Variants in MPP3 observed in about 807,000 individuals in gnomAD.
The protein encoded by MPP3 is MAGUK p55 scaffold protein 3, also known as MAGUK p55 subfamily member 3.
A neutral mutation model predicts 80.7 loss-of-function variants in MPP3; 48 were observed. That is an observed-to-expected ratio of 0.59 (90% confidence interval 0.47 to 0.76). The LOEUF (loss-of-function observed/expected upper bound fraction) is 0.76, where lower values mean the gene tolerates loss of function less well. Among genes scored for constraint, MPP3 ranks in the 30% least tolerant of loss-of-function variants. MPP3 has a pLI of 0.00. For missense variants in MPP3, 620 were observed against 763.0 expected (o/e 0.81, Z 2.21); for synonymous variants, 311 against 297.6 (o/e 1.04, Z -0.46).
chr17:43,829,871 G>C, intron 6 of MPP3, 80 bp from the exon 7 acceptor site: 1 of 1,598,622 alleles, frequency 6.3e-7, no homozygotes. Flanking sequence ...GTGGTATGGA[G>C]GGTGGCAGAC....
intron 16 of MPP3, 68 bp downstream of exon 16, chr17:43,813,943 G>C (rs1019518927): frequency 4.7e-6 from 6 of 1,275,662 alleles, no homozygotes; most frequent in African/African-American, 1.5e-5. Context: ...TGGATCTGGG[G>C]AGTTAAGTCT....
At position 43,831,679 on chromosome 17, in the gene MPP3, T is replaced by C. The variant is rs769446909; in HGVS notation, c.26-2A>G. 1.2e-6 allele frequency: 2 copies of C among 1,602,200 alleles called. No individual in the cohort carries two copies. Among genetic ancestry groups the C allele is most frequent in the East Asian group, 2.2e-5 (1 of 44,708 alleles). On this transcript the variant is annotated splice_acceptor_variant, in intron 3 of 19. Coordinates refer to ENST00000398389, the MANE Select transcript of MPP3 (RefSeq NM_001932.6). LOFTEE classifies it high-confidence loss of function. ...GCAGGGCCAGGGTTTCATGCAAACCTGGGGAGAGGTGAGAAAAACAAAGGA... is the reference window on the plus strand; with the variant it reads ...GCAGGGCCAGGGTTTCATGCAAACCCGGGGAGAGGTGAGAAAAACAAAGGA...
At chr17:43,814,901 GA>G (rs1003882912) in intron 14 of MPP3, among the ~76,000 whole-genome samples, 1 of 151,626 alleles carries the variant, frequency 6.6e-6, no homozygotes, top group African/African-American at 2.4e-5. Context: ...TATGACTCAG[GA>G]AAAAAAAATT....
chr17:43,822,952 G>A (rs1407232290), intron 10 of MPP3, among the ~76,000 whole-genome samples: 2 of 152,118 alleles, frequency 1.3e-5, no homozygotes. Context: ...AGGGCCCCTG[G>A]GTGGGATGAT....
chr17:43,810,204 T>C (rs532503637), intron 18 of MPP3, among the ~76,000 whole-genome samples: 1 of 152,008 alleles, frequency 6.6e-6, no homozygotes, highest in South Asian at 2.1e-4. Context: ...GGAAAAAAAA[T>C]CCCCAGATTG....
intron 10 of MPP3, among the ~76,000 whole-genome samples, chr17:43,823,108 C>T (rs923180023): frequency 6.6e-6 from 1 of 152,148 alleles, no homozygotes; most frequent in East Asian, 1.9e-4. Flanking sequence ...ACTGGTATTT[C>T]CTGGGGCCAC....
intron 16 of MPP3, among the ~76,000 whole-genome samples, chr17:43,812,345 T>G (rs1359416204): frequency 6.6e-6 from 1 of 152,154 alleles, no homozygotes; most frequent in African/African-American, 2.4e-5. Flanking sequence ...CAACCTCCGG[T>G]AGAGGTGCTA....
intron 16 of MPP3, among the ~76,000 whole-genome samples, chr17:43,812,218 C>T (rs143605079): frequency 6.6e-6 from 1 of 152,314 alleles, no homozygotes; most frequent in East Asian, 1.9e-4. Flanking sequence ...AGGGCACACA[C>T]AAAGCCACAC....
chr17:43,813,212 A>G (rs369386914), intron 16 of MPP3, among the ~76,000 whole-genome samples: 2 of 152,204 alleles, frequency 1.3e-5, no homozygotes, highest in Non-Finnish European at 2.9e-5. Flanking sequence ...CGTTAAGAAC[A>G]TGACTGGGGC....
At chr17:43,807,596 GGTGTGAGCCACC>G (rs937522952) in intron 19 of MPP3, among the ~76,000 whole-genome samples, 4 of 152,144 alleles carry the variant, frequency 2.6e-5, no homozygotes, top group African/African-American at 9.6e-5. Context: ...CTGAGACACA[GGTGTGAGCCACC>G]GTACCTGGCC....
At chr17:43,822,498 C>A (rs549001456) in intron 10 of MPP3, among the ~76,000 whole-genome samples, 1 of 151,384 alleles carries the variant, frequency 6.6e-6, no homozygotes, top group Non-Finnish European at 1.5e-5. Flanking sequence ...CAAAGTGATG[C>A]CCTCCTCTCT....
intron 8 of MPP3, among the ~76,000 whole-genome samples, chr17:43,826,961 G>A (rs573109405): frequency 4.0e-5 from 6 of 151,076 alleles, no homozygotes; most frequent in African/African-American, 1.2e-4. Context: ...TGGGCCTCCC[G>A]AACAGCTAGG....
intron 19 of MPP3, 132 bp from the exon 20 acceptor site, chr17:43,802,009 CAACT>C: frequency 2.5e-6 from 2 of 815,222 alleles, no homozygotes; most frequent in Non-Finnish European, 3.8e-6. Context: ...CACTGATAAC[CAACT>C]GTGTACACAA....
At chr17:43,812,959 T>C (rs980155508) in intron 16 of MPP3, among the ~76,000 whole-genome samples, 1 of 151,950 alleles carries the variant, frequency 6.6e-6, no homozygotes, top group African/African-American at 2.4e-5. Flanking sequence ...ACCCACAGAC[T>C]AGACGCTGGG....
chr17:43,827,877 A>T, intron 7 of MPP3, 45 bp from the exon 8 acceptor site: 1 of 1,581,880 alleles, frequency 6.3e-7, no homozygotes, highest in Non-Finnish European at 8.7e-7. Flanking sequence ...AGCAGCTCCA[A>T]ACCTCAGACC....
At chr17:43,816,725 A>G in intron 12 of MPP3, 28 bp from the exon 13 acceptor site, 1 of 1,568,058 alleles carries the variant, frequency 6.4e-7, no homozygotes, top group Non-Finnish European at 8.7e-7. Flanking sequence ...GACAGATGGA[A>G]CAGCATTAGT....
chr17:43,802,145 C>T (rs1390046528), intron 19 of MPP3, among the ~76,000 whole-genome samples: 4 of 152,168 alleles, frequency 2.6e-5, no homozygotes, highest in Non-Finnish European at 4.4e-5. Context: ...CTCAAAGCCA[C>T]GATAGGAAGT....
intron 11 of MPP3, 86 bp from the exon 12 acceptor site, chr17:43,818,196 A>G (rs1183430349): frequency 4.8e-6 from 6 of 1,261,098 alleles, no homozygotes; most frequent in Non-Finnish European, 5.3e-6. Flanking sequence ...TTGGGAAGCC[A>G]AGGCCTGGAT....
At chr17:43,809,818 G>A (rs2044770087) in intron 18 of MPP3, among the ~76,000 whole-genome samples, 1 of 152,126 alleles carries the variant, frequency 6.6e-6, no homozygotes, top group Admixed American at 6.6e-5. Flanking sequence ...GGCGGAGCTT[G>A]CGGTGAACCA....
Sources: gnomAD v4.1 joint callset for allele counts (sites outside exome capture counted in the v4.1 genomes callset) on GRCh38, gnomAD v4.1.1 for gene constraint, MANE v1.5 for transcripts, NCBI Gene and HGNC (gene_info 2026-07-23, HGNC 2026-07-21) for gene names.